The following TMEM135 variants were observed in gnomAD, a reference collection of about 807,000 sequenced individuals.
The protein encoded by TMEM135 is transmembrane protein 135.
Under a neutral mutation model 60.3 loss-of-function variants are expected in TMEM135, and 30 were observed. That is an observed-to-expected ratio of 0.50 (90% CI 0.37 to 0.68). The LOEUF is 0.68. TMEM135 is among the 30% of genes least tolerant of loss of function. The probability of loss-of-function intolerance (pLI) is 0.00; values close to 1 mark genes in which losing one functional copy is unlikely to be tolerated. For missense variants in TMEM135, 468 were observed against 548.8 expected, an observed-to-expected ratio of 0.85 and a Z score of 1.47; for synonymous variants, 190 against 186.7, an observed-to-expected ratio of 1.02 and a Z score of -0.14.
At chr11:87,311,620 T>C (rs1413439271) in intron 10 of TMEM135, among the ~76,000 whole-genome samples, 5 of 152,032 alleles carry the variant, frequency 3.3e-5, no homozygotes, top group Admixed American at 3.3e-4. Context: ...TTTATTTACT[T>C]AGGTAATACA....
intron 1 of TMEM135, among the ~76,000 whole-genome samples, chr11:87,062,832 C>T (rs1475723439): frequency 6.6e-6 from 1 of 152,044 alleles, no homozygotes; most frequent in African/African-American, 2.4e-5. Context: ...TTAATTTAAC[C>T]TCTTTATTTA....
chr11:87,313,410 T>C lies in TMEM135; in HGVS notation c.937-15T>C. 1 of 1,604,094 alleles carries C rather than the reference T, an allele frequency of 6.2e-7. No homozygotes were observed. Among genetic ancestry groups the C allele is most frequent in the Non-Finnish European group, 8.5e-7 (1 of 1,171,794 alleles). On this transcript the variant is annotated splice_polypyrimidine_tract_variant and intron_variant, in intron 10 of 14. Transcript: ENST00000305494. The stretch of plus-strand genomic sequence containing the variant: ...AATAAAATAACTGAAGTCATTGTAT[T>C]TTCTCCTTAACTAGGGTACTAGTTG...
At chr11:87,086,575 G>T (rs1857101031) in intron 3 of TMEM135, among the ~76,000 whole-genome samples, 1 of 151,930 alleles carries the variant, frequency 6.6e-6, no homozygotes, top group Non-Finnish European at 1.5e-5. Context: ...TCCTCTCAGT[G>T]TGCCTGTGTC....
intron 5 of TMEM135, among the ~76,000 whole-genome samples, chr11:87,159,144 G>T (rs1938791273): frequency 6.6e-6 from 1 of 152,066 alleles, no homozygotes; most frequent in Admixed American, 6.6e-5. Context: ...CTAATTATTA[G>T]GTGTTGTTCC....
Position 87,327,060 on chromosome 11 carries a change from A to G in TMEM135, c.*5727A>G, listed in dbSNP as rs1942923741. The G allele has an allele frequency of 2.2e-6, 1 of 454,020 alleles. No individual in the cohort carries two copies. The highest frequency in any genetic ancestry group is 4.4e-6 in the Non-Finnish European group (1 of 226,780). 28.1% of individuals were successfully genotyped at this position (454,020 alleles called of 1,614,324 possible). On this transcript the variant is annotated 3_prime_UTR_variant, in exon 15 of 15. Coordinates refer to ENST00000305494, the MANE Select transcript of TMEM135 (RefSeq NM_022918.4). ...TGTTGTTTAAGACAGTTACATGCCT[A>G]GCCCCAGGGATGAATCATAATTGTT...
rs936294587 is a variant in TMEM135, at chr11:87,252,956, A to G, written c.509+16272A>G. On this transcript the variant is annotated intron_variant, in intron 6 of 14. Coordinates refer to ENST00000305494, the MANE Select transcript of TMEM135 (RefSeq NM_022918.4). ...TTACCAAAAATGCAAAATTTGTTCA[A>G]TGAGAAGAAGTATTGAGATTGTTAG... Among the ~76,000 whole-genome samples the G allele has an allele frequency of 2.0e-5, 3 of 152,012 alleles. No individual in the cohort carries two copies. In the South Asian group the frequency reaches 6.2e-4, roughly 32 times the overall value.
chr11:87,323,894 CT>C lies in TMEM135; in HGVS notation c.*2567del. 2.2e-6 allele frequency: 1 copy of C among 451,964 alleles called. No homozygotes were observed. The highest frequency in any genetic ancestry group is 4.4e-6 in the Non-Finnish European group (1 of 226,370). The allele number at this position is 451,964 out of a possible 1,614,324, so 28.0% of individuals were successfully genotyped here. A position where few individuals can be genotyped will look rare whatever the true frequency, so the allele number is the denominator to read the frequency against. ...ATAAATTCTGCTTTTGCTTCTGTAACTTTTTTCTTGAACTATAAGCATAGTC... is the reference window on the plus strand; with the variant it reads ...ATAAATTCTGCTTTTGCTTCTGTAACTTTTTCTTGAACTATAAGCATAGTC... On this transcript the variant is annotated 3_prime_UTR_variant, in exon 15 of 15. Coordinates refer to ENST00000305494, the MANE Select transcript of TMEM135 (RefSeq NM_022918.4).
intron 5 of TMEM135, among the ~76,000 whole-genome samples, chr11:87,206,649 A>G (rs1160603947): frequency 1.3e-5 from 2 of 152,202 alleles, no homozygotes; most frequent in African/African-American, 4.8e-5. Context: ...AAGAATATTT[A>G]TTATATACAC....
At chr11:87,166,682 G>A (rs955705624) in intron 5 of TMEM135, among the ~76,000 whole-genome samples, 3 of 151,822 alleles carry the variant, frequency 2.0e-5, no homozygotes, top group African/African-American at 7.3e-5. Context: ...TTTGGTACCA[G>A]TACCATGCTG....
intron 6 of TMEM135, among the ~76,000 whole-genome samples, chr11:87,293,758 C>T (rs1591175466): frequency 6.6e-6 from 1 of 152,266 alleles, no homozygotes; most frequent in Middle Eastern, 3.4e-3. Context: ...TCCATTTGAT[C>T]ATTGATGGGC....
intron 1 of TMEM135, among the ~76,000 whole-genome samples, chr11:87,043,882 C>T (rs1190655118): frequency 6.6e-6 from 1 of 152,044 alleles, no homozygotes; most frequent in African/African-American, 2.4e-5. Context: ...GGTACCTTCC[C>T]TAAGAAGGAA....
intron 4 of TMEM135, among the ~76,000 whole-genome samples, chr11:87,112,987 G>T (rs943369274): frequency 6.6e-6 from 1 of 152,002 alleles, no homozygotes; most frequent in South Asian, 2.1e-4. Flanking sequence ...GCACTTTGGC[G>T]TGCAGAAAAT....
intron 6 of TMEM135, among the ~76,000 whole-genome samples, chr11:87,269,226 G>A (rs978244421): frequency 6.8e-6 from 1 of 146,326 alleles, no homozygotes; most frequent in African/African-American, 2.5e-5. Flanking sequence ...GGACAGAAAA[G>A]CATAATCTAC....
intron 1 of TMEM135, among the ~76,000 whole-genome samples, chr11:87,038,683 G>C (rs1002728115): frequency 2.4e-4 from 35 of 144,694 alleles, no homozygotes; most frequent in African/African-American, 7.7e-4. Flanking sequence ...TCTTGACTCA[G>C]TTTTGAGATG....
intron 4 of TMEM135, among the ~76,000 whole-genome samples, chr11:87,143,551 G>T (rs1329126904): frequency 6.6e-6 from 1 of 152,054 alleles, no homozygotes; most frequent in Non-Finnish European, 1.5e-5. Flanking sequence ...CACCTGAGCT[G>T]TGTGCAGTTG....
chr11:87,295,669 G>T, intron 6 of TMEM135, 113 bp from the exon 7 acceptor site: 1 of 830,608 alleles, frequency 1.2e-6, no homozygotes, highest in Non-Finnish European at 1.9e-6. Context: ...ATAATGTTCA[G>T]ATTTTTGCCT....
chr11:87,086,816 T>C (rs1318405392), intron 3 of TMEM135, among the ~76,000 whole-genome samples: 2 of 152,186 alleles, frequency 1.3e-5, no homozygotes, highest in Non-Finnish European at 2.9e-5. Context: ...GTAGCTTGGC[T>C]TTCAGGCTTT....
At chr11:87,150,402 C>G (rs1938529181) in intron 4 of TMEM135, among the ~76,000 whole-genome samples, 1 of 152,094 alleles carries the variant, frequency 6.6e-6, no homozygotes, top group South Asian at 2.1e-4. Context: ...CACTGCTATT[C>G]TTGTTTTGGT....
chr11:87,085,184 G>C (rs114941187), intron 3 of TMEM135, among the ~76,000 whole-genome samples: 3 of 152,156 alleles, frequency 2.0e-5, no homozygotes, highest in African/African-American at 4.8e-5. Flanking sequence ...AAGATGTTGC[G>C]TGAAAGAAAT....
Sources: gnomAD v4.1 joint callset for allele counts (sites outside exome capture counted in the v4.1 genomes callset) on GRCh38, gnomAD v4.1.1 for gene constraint, MANE v1.5 for transcripts, NCBI Gene and HGNC (gene_info 2026-07-23, HGNC 2026-07-21) for gene names.